AGAP1: variants seen among roughly 807,000 people sequenced by gnomAD.
The protein encoded by AGAP1 is ArfGAP with GTPase domain, ankyrin repeat and PH domain 1, also known as arf-GAP with GTPase, ANK repeat and PH domain-containing protein 1.
Under a neutral mutation model 105.3 loss-of-function variants are expected in AGAP1, and 29 were observed. The observed-to-expected ratio is 0.28, with a 90% CI of 0.21 to 0.38. The LOEUF (loss-of-function observed/expected upper bound fraction) is 0.38. AGAP1 is among the 10% of genes least tolerant of loss of function. The probability of loss-of-function intolerance (pLI) is 1.00; values close to 1 mark genes in which losing one functional copy is unlikely to be tolerated. For missense variants in AGAP1, 998 were observed against 1,165.1 expected (o/e 0.86, Z 2.09); for synonymous variants, 509 against 485.9 (o/e 1.05, Z -0.63).
At position 235,732,410 on chromosome 2, in the gene AGAP1, T is replaced by C. The variant is rs1179572281; in HGVS notation, c.311-8553T>C. On this transcript the variant is annotated intron_variant, in intron 3 of 17. Transcript: ENST00000304032. The surrounding 1 kb of genome is among the most constrained non-coding windows in gnomAD (Gnocchi z 4.8). ...GTTTTGATCCTCAGATCTGGACGTT[T>C]CCATTTTATCTCATATTGTTTCAAA... Among the ~76,000 whole-genome samples the C allele has an allele frequency of 1.3e-5, 2 of 152,206 alleles. No homozygotes were observed. Among genetic ancestry groups the C allele is most frequent in the Admixed American group, 6.5e-5 (1 of 15,280 alleles).
intron 9 of AGAP1, among the ~76,000 whole-genome samples, chr2:235,810,753 T>C (rs2150109732): frequency 6.6e-6 from 1 of 152,264 alleles, no homozygotes; most frequent in African/African-American, 2.4e-5. Flanking sequence ...TATAACTTCA[T>C]TTCTTGTGGA....
In AGAP1 at chr2:235,959,792, A is replaced by G. The variant is rs1233272931; in HGVS notation, c.1484-8670A>G. On this transcript the variant is annotated intron_variant, in intron 12 of 17. Transcript: ENST00000304032. The surrounding 1 kb of genome is among the most constrained non-coding windows in gnomAD (Gnocchi z 7.3). Reference sequence around the variant, plus strand: ...ACTAGCACCAGAGCTTCCTCCTGTCAAAGCTGTGCCACTTTCCCCACTGGC... The same window carrying G: ...ACTAGCACCAGAGCTTCCTCCTGTCGAAGCTGTGCCACTTTCCCCACTGGC... Among the ~76,000 whole-genome samples, 1 of 152,138 alleles carries G rather than the reference A, an allele frequency of 6.6e-6. No homozygotes were observed. The highest frequency in any genetic ancestry group is 1.9e-4 in the East Asian group (1 of 5,190).
rs74381455 is a variant in AGAP1, at chr2:235,951,838, A to G, written c.1484-16624A>G. On this transcript the variant is annotated intron_variant, in intron 12 of 17. Transcript: ENST00000304032. This position sits in a 1 kb window ranked among gnomAD's most constrained non-coding sequence, Gnocchi z 4.2. Reference sequence around the variant, plus strand: ...TTACACCAGCCAAACTTAGAGCTTCATAAATGCAGGAAACTGTCAGGTTCC... The same window carrying G: ...TTACACCAGCCAAACTTAGAGCTTCGTAAATGCAGGAAACTGTCAGGTTCC... Among the ~76,000 whole-genome samples the G allele has an allele frequency of 0.017, 2,521 of 152,262 alleles. 75 individuals are homozygous for G. Among genetic ancestry groups the G allele is most frequent in the African/African-American group, 0.058 (2,394 of 41,542 alleles).
intron 1 of AGAP1, among the ~76,000 whole-genome samples, chr2:235,536,782 G>A: frequency 6.6e-6 from 1 of 152,148 alleles, no homozygotes; most frequent in East Asian, 1.9e-4. Flanking sequence ...AGAGAGAGAG[G>A]GAGCATTCAC....
Position 235,559,009 on chromosome 2 carries a change from G to T in AGAP1, c.163+64160G>T, listed in dbSNP as rs1329337392. ...GTGATCTCTGCTCACTGCAGCCTTC[G>T]CCTCCCAGGCTCAAGAAATTCTCCC... On this transcript the variant is annotated intron_variant, in intron 1 of 17. Coordinates refer to ENST00000304032, the MANE Select transcript of AGAP1 (RefSeq NM_001037131.3). This position sits in a 1 kb window ranked among gnomAD's most constrained non-coding sequence, Gnocchi z 5.7. Among the ~76,000 whole-genome samples, 3 of 151,832 alleles carry T rather than the reference G, an allele frequency of 2.0e-5. No homozygotes were observed. Among genetic ancestry groups the T allele is most frequent in the African/African-American group, 7.3e-5 (3 of 41,348 alleles).
chr2:235,750,541 C>T lies in AGAP1; in HGVS notation c.673+53C>T. On this transcript the variant is annotated intron_variant, in intron 6 of 17. Coordinates refer to ENST00000304032, the MANE Select transcript of AGAP1 (RefSeq NM_001037131.3). This position sits in a 1 kb window ranked among gnomAD's most constrained non-coding sequence, Gnocchi z 5.3. ...TTCAGTTCATGATAGACGGGAGGCACTTCAAGAAGTCAGTCCTGCCTGCAC... is the reference window on the plus strand; with the variant it reads ...TTCAGTTCATGATAGACGGGAGGCATTTCAAGAAGTCAGTCCTGCCTGCAC... 1 of 1,609,424 alleles carries T rather than the reference C, an allele frequency of 6.2e-7. No individual in the cohort carries two copies.
At chr2:236,049,424 G>A (rs917738076) in intron 16 of AGAP1, 143 bp downstream of exon 16, 3 of 731,876 alleles carry the variant, frequency 4.1e-6, no homozygotes, top group African/African-American at 3.6e-5. Context: ...GCATAGGAAT[G>A]TCTGTGTTTA....
At chr2:235,881,855 A>G (rs1010552867) in intron 9 of AGAP1, among the ~76,000 whole-genome samples, 1 of 152,224 alleles carries the variant, frequency 6.6e-6, no homozygotes, top group South Asian at 2.1e-4. Context: ...AGGAGGCTTA[A>G]TATGATTTCA....
At chr2:235,746,919 C>T (rs557563643) in intron 5 of AGAP1, among the ~76,000 whole-genome samples, 1 of 152,082 alleles carries the variant, frequency 6.6e-6, no homozygotes, top group Admixed American at 6.6e-5. Flanking sequence ...CATCCATGTT[C>T]CATCAGTAGG....
Position 235,642,026 on chromosome 2 carries a change from C to A in AGAP1, c.164-67153C>A, listed in dbSNP as rs1346502842. Among the ~76,000 whole-genome samples, 1 of 152,254 alleles carries A rather than the reference C, an allele frequency of 6.6e-6. No homozygotes were observed. Among genetic ancestry groups the A allele is most frequent in the African/African-American group, 2.4e-5 (1 of 41,474 alleles). The stretch of plus-strand genomic sequence containing the variant: ...GTCCATTTCTTCAGGTATCTTCTTA[C>A]ATCATCTTGCTTCTTTACTCAGCAT... On this transcript the variant is annotated intron_variant, in intron 1 of 17. Coordinates refer to ENST00000304032, the MANE Select transcript of AGAP1 (RefSeq NM_001037131.3). The surrounding 1 kb of genome is among the most constrained non-coding windows in gnomAD (Gnocchi z 4.1).
intron 16 of AGAP1, among the ~76,000 whole-genome samples, chr2:236,091,600 C>T (rs973479493): frequency 3.9e-5 from 6 of 151,964 alleles, no homozygotes; most frequent in Admixed American, 1.3e-4. Flanking sequence ...AGCAAGATTC[C>T]GTCTCTACAA....
At chr2:235,682,041 CAG>C (rs1185610049) in intron 1 of AGAP1, among the ~76,000 whole-genome samples, 4 of 151,816 alleles carry the variant, frequency 2.6e-5, no homozygotes, top group Non-Finnish European at 4.4e-5. Flanking sequence ...TTAGTAGAGA[CAG>C]GGTTTCACCA....
Position 235,830,837 on chromosome 2 carries a change from C to T in AGAP1, c.1050+23506C>T, listed in dbSNP as rs573402669. Among the ~76,000 whole-genome samples the T allele has an allele frequency of 1.3e-5, 2 of 152,284 alleles. No individual in the cohort carries two copies. Among genetic ancestry groups the T allele is most frequent in the South Asian group, 2.1e-4 (1 of 4,820 alleles). On this transcript the variant is annotated intron_variant, in intron 9 of 17. Coordinates refer to ENST00000304032, the MANE Select transcript of AGAP1 (RefSeq NM_001037131.3). This position sits in a 1 kb window ranked among gnomAD's most constrained non-coding sequence, Gnocchi z 5.5. ...CCTCATTCTTCTCAGGTCCACCTGTCGGTAGGCCCAGTAGTCAACTCCTAA... is the reference window on the plus strand; with the variant it reads ...CCTCATTCTTCTCAGGTCCACCTGTTGGTAGGCCCAGTAGTCAACTCCTAA...
intron 9 of AGAP1, among the ~76,000 whole-genome samples, chr2:235,817,586 C>T (rs1002644897): frequency 4.6e-5 from 7 of 152,024 alleles, no homozygotes; most frequent in Admixed American, 4.6e-4. Context: ...ATAAAGTAGG[C>T]ATAGAAGAGT....
intron 1 of AGAP1, among the ~76,000 whole-genome samples, chr2:235,706,979 G>A (rs765586151): frequency 2.0e-5 from 3 of 152,264 alleles, no homozygotes; most frequent in Non-Finnish European, 4.4e-5. Flanking sequence ...CTGACTGAGC[G>A]CTTGCTGGGT....
chr2:235,966,816 T>G (rs1432333077), intron 12 of AGAP1, among the ~76,000 whole-genome samples: 1 of 152,046 alleles, frequency 6.6e-6, no homozygotes, highest in African/African-American at 2.4e-5. Flanking sequence ...CTTCCGACTG[T>G]GCAGAGAGGG....
At chr2:235,495,629 C>T (rs904801058) in intron 1 of AGAP1, among the ~76,000 whole-genome samples, 1 of 152,264 alleles carries the variant, frequency 6.6e-6, no homozygotes, top group Non-Finnish European at 1.5e-5. Context: ...GCATGTCAGG[C>T]AGGGCCATGG....
rs533728341 is a variant in AGAP1 at position 235,646,876 on chromosome 2, C to T, written c.164-62303C>T. On this transcript the variant is annotated intron_variant, in intron 1 of 17. Coordinates refer to ENST00000304032, the MANE Select transcript of AGAP1 (RefSeq NM_001037131.3). ...TCTTGCCGCGTGCGGTGGCTCACGCCTGTAATCTCAGTACTTTGAGAGGCC... is the reference window on the plus strand; with the variant it reads ...TCTTGCCGCGTGCGGTGGCTCACGCTTGTAATCTCAGTACTTTGAGAGGCC... Among the ~76,000 whole-genome samples the T allele has an allele frequency of 1.1e-4, 17 of 152,248 alleles. No individual in the cohort carries two copies. The East Asian group carries it at 3.3e-3, about 29-fold the overall frequency.
chr2:235,789,451 G>A lies in AGAP1; in HGVS notation c.674-8308G>A, dbSNP rs1422181049. ...AATAGGTAATTGCGACATAAATGAA[G>A]ATAAATTTGTTTTAATACAACGAGA... On this transcript the variant is annotated intron_variant, in intron 6 of 17. Coordinates refer to ENST00000304032, the MANE Select transcript of AGAP1 (RefSeq NM_001037131.3). The surrounding 1 kb of genome is among the most constrained non-coding windows in gnomAD (Gnocchi z 4.2). Among the ~76,000 whole-genome samples the A allele has an allele frequency of 6.6e-6, 1 of 152,046 alleles. No individual in the cohort carries two copies. Among genetic ancestry groups the A allele is most frequent in the Non-Finnish European group, 1.5e-5 (1 of 68,008 alleles).
Sources: gnomAD v4.1 joint callset for allele counts (sites outside exome capture counted in the v4.1 genomes callset) on GRCh38, gnomAD v4.1.1 for gene constraint, Gnocchi (gnomAD v3.1) non-coding constraint, MANE v1.5 for transcripts, NCBI Gene and HGNC (gene_info 2026-07-23, HGNC 2026-07-21) for gene names.